Variants in RADIL observed in about 807,000 individuals in gnomAD.
The protein encoded by RADIL is Rap associating with DIL domain.
In RADIL, 99 loss-of-function variants were observed where a neutral mutation model predicts 97.6. That is an observed-to-expected ratio of 1.01 (90% CI 0.86 to 1.20). The LOEUF is 1.20. Ranked by LOEUF, RADIL falls within the 50% of genes most tolerant of loss-of-function variation. The probability of loss-of-function intolerance (pLI) is 0.00; values close to 1 mark genes in which losing one functional copy is unlikely to be tolerated. For missense variants in RADIL, 1,765 were observed against 1,498.9 expected (o/e 1.18, Z -2.93); for synonymous variants, 803 against 691.8 (o/e 1.16, Z -2.52).
chr7:4,835,526 A>G lies in RADIL; in HGVS notation c.784-287T>C, dbSNP rs1451267759. On this transcript the variant is annotated intron_variant, in intron 3 of 14. Coordinates refer to ENST00000399583, the MANE Select transcript of RADIL (RefSeq NM_018059.5). This position sits in a 1 kb window ranked among gnomAD's most constrained non-coding sequence, Gnocchi z 5.8. The stretch of plus-strand genomic sequence containing the variant: ...AGGCCAGGTCAGGGCTGGCCGGGAA[A>G]CAGGCACTGGTTCTACAGACCGGGC... Among the ~76,000 whole-genome samples, 1 of 152,160 alleles carries G rather than the reference A, an allele frequency of 6.6e-6. No homozygotes were observed. Among genetic ancestry groups the G allele is most frequent in the East Asian group, 1.9e-4 (1 of 5,168 alleles).
rs867418646 is a variant in RADIL at position 4,834,654 on chromosome 7, C to A, written c.1369G>T (p.Gly457Trp). The stretch of plus-strand genomic sequence containing the variant: ...CTGGCTATCTTGAGCAGGAGCTGCC[C>A]GAATGTGCCCGGCTGGAAGTGGGTG... Reference protein sequence around the residue: ...SATHFQPGTFGQLLLKIARLI... With the variant: ...SATHFQPGTFWQLLLKIARLI... Residue 457 changes from glycine to tryptophan, a missense_variant, in exon 4 of 15, where the codon GGG (glycine) becomes TGG (tryptophan). Gly to Trp is a radical substitution (Grantham distance 184, BLOSUM62 -2). Transcript: ENST00000399583. The surrounding 1 kb of genome is among the most constrained non-coding windows in gnomAD (Gnocchi z 6.0). 2 of 1,360,412 alleles carry A rather than the reference C, an allele frequency of 1.5e-6. No individual in the cohort carries two copies. The highest frequency in any genetic ancestry group is 5.6e-5 in the East Asian group (2 of 35,642). The allele number at this position is 1,360,412 out of a possible 1,614,324, so 84.3% of individuals were successfully genotyped here.
rs924362312 is a variant in RADIL at position 4,838,041 on chromosome 7, C to T, written c.536-1436G>A. On this transcript the variant is annotated intron_variant, in intron 2 of 14. Transcript: ENST00000399583. Reference sequence around the variant, plus strand: ...GCCCCGCCGTCCTTCCCAAGGCAGCCGGCAGCCTGTGCATCTGCAGCCCGC... The same window carrying T: ...GCCCCGCCGTCCTTCCCAAGGCAGCTGGCAGCCTGTGCATCTGCAGCCCGC... 4 of 985,284 alleles carry T rather than the reference C, an allele frequency of 4.1e-6. No individual in the cohort carries two copies. In the African/African-American group the frequency reaches 7.0e-5, roughly 17 times the overall value. 61.0% of individuals were successfully genotyped at this position (985,284 alleles called of 1,614,324 possible). A position where few individuals can be genotyped will look rare whatever the true frequency, so the allele number is the denominator to read the frequency against.
At chr7:4,823,898 G>A (rs1562437887) in intron 5 of RADIL, among the ~76,000 whole-genome samples, 1 of 152,174 alleles carries the variant, frequency 6.6e-6, no homozygotes, top group African/African-American at 2.4e-5. Context: ...TGCTCATCTG[G>A]TCCATGCACC....
intron 5 of RADIL, among the ~76,000 whole-genome samples, chr7:4,823,877 T>C (rs1377919379): frequency 6.6e-6 from 1 of 152,160 alleles, no homozygotes; most frequent in Admixed American, 6.5e-5. Flanking sequence ...CCACACATCT[T>C]TCTCACAGGT....
At position 4,807,146 on chromosome 7, in the gene RADIL, G is replaced by A. The variant is rs545103119; in HGVS notation, c.2140-1430C>T. Among the ~76,000 whole-genome samples, 128 of 152,014 alleles carry A rather than the reference G, an allele frequency of 8.4e-4. 1 individual carries two copies. The highest frequency in any genetic ancestry group is 3.0e-3 in the African/African-American group (123 of 41,434). On this transcript the variant is annotated intron_variant, in intron 9 of 14. Coordinates refer to ENST00000399583, the MANE Select transcript of RADIL (RefSeq NM_018059.5). The stretch of plus-strand genomic sequence containing the variant: ...CCTCTGTTCTCACCTTTGCCTCCTC[G>A]CTCTGTTTCTCTCCCATGTGTTTTT...
At chr7:4,829,569 T>G (rs73314479) in intron 5 of RADIL, among the ~76,000 whole-genome samples, 5,569 of 152,226 alleles carry the variant, frequency 0.037, 344 homozygotes, top group African/African-American at 0.13. Context: ...GTGAGGCACT[T>G]ACAGGGTTCG....
Position 4,819,221 on chromosome 7 carries a change from G to A in RADIL, c.1616-1870C>T, listed in dbSNP as rs1782763486. Among the ~76,000 whole-genome samples, 2 of 151,992 alleles carry A rather than the reference G, an allele frequency of 1.3e-5. No individual in the cohort carries two copies. Among genetic ancestry groups the A allele is most frequent in the South Asian group, 2.1e-4 (1 of 4,824 alleles). On this transcript the variant is annotated intron_variant, in intron 6 of 14. Transcript: ENST00000399583. This position sits in a 1 kb window ranked among gnomAD's most constrained non-coding sequence, Gnocchi z 5.8. ...CAAGTAGCTAGGACTACAGGCACAT[G>A]CCACCATGCCTGGCTAATTTTTGTA...
intron 5 of RADIL, among the ~76,000 whole-genome samples, chr7:4,830,334 G>C (rs967128928): frequency 6.6e-6 from 1 of 152,190 alleles, no homozygotes; most frequent in Non-Finnish European, 1.5e-5. Context: ...GCCCACTCGA[G>C]AGTGGGAGCG....
At chr7:4,833,691 G>C (rs555378405) in intron 4 of RADIL, among the ~76,000 whole-genome samples, 1 of 152,338 alleles carries the variant, frequency 6.6e-6, no homozygotes, top group Non-Finnish European at 1.5e-5. Flanking sequence ...CCGGGGATAA[G>C]CGGGGCCCAG....
Position 4,824,119 on chromosome 7 carries a change from T to A in RADIL, c.1455-1565A>T, listed in dbSNP as rs1336719175. The stretch of plus-strand genomic sequence containing the variant: ...ACAGATCAAATCACACAGATCTGAC[T>A]TGGGTCTGCCTGGGGTGTGGAGGGC... On this transcript the variant is annotated intron_variant, in intron 5 of 14. Coordinates refer to ENST00000399583, the MANE Select transcript of RADIL (RefSeq NM_018059.5). The surrounding 1 kb of genome is among the most constrained non-coding windows in gnomAD (Gnocchi z 6.7). Among the ~76,000 whole-genome samples, 1 of 152,252 alleles carries A rather than the reference T, an allele frequency of 6.6e-6. No individual in the cohort carries two copies. The highest frequency in any genetic ancestry group is 1.5e-5 in the Non-Finnish European group (1 of 68,036).
chr7:4,838,961 G>A (rs1382812351), intron 2 of RADIL, among the ~76,000 whole-genome samples: 1 of 152,236 alleles, frequency 6.6e-6, no homozygotes, highest in Non-Finnish European at 1.5e-5. Context: ...ACGTGCACAC[G>A]TGCACACGTA....
chr7:4,801,609 G>T, intron 12 of RADIL, 44 bp downstream of exon 12: 1 of 1,541,882 alleles, frequency 6.5e-7, no homozygotes, highest in Non-Finnish European at 8.7e-7. Flanking sequence ...GGTGCTGTGC[G>T]GGGTCTGGGG....
In RADIL at chr7:4,822,319, G is replaced by A. The variant is rs1782855577; in HGVS notation, c.1615+75C>T. On this transcript the variant is annotated intron_variant, in intron 6 of 14. Coordinates refer to ENST00000399583, the MANE Select transcript of RADIL (RefSeq NM_018059.5). This position sits in a 1 kb window ranked among gnomAD's most constrained non-coding sequence, Gnocchi z 5.3. ...CTGCTATCATGGCCAACTAGGTTCC[G>A]AGGACGGCGAGGAGATGCCACACTC... 7 of 1,475,156 alleles carry A rather than the reference G, an allele frequency of 4.7e-6. No homozygotes were observed. The Admixed American group carries it at 6.8e-5, about 14-fold the overall frequency. 91.4% of individuals were successfully genotyped at this position (1,475,156 alleles called of 1,614,324 possible). A position where few individuals can be genotyped will look rare whatever the true frequency, so the allele number is the denominator to read the frequency against.
In RADIL at chr7:4,867,807, G is replaced by C. The variant is rs1285622204; in HGVS notation, c.535+9798C>G. ...TGGAATGGTATTCATTAATACACTAGAGTGGGTTCCCAAGGACAATGACAA... is the reference window on the plus strand; with the variant it reads ...TGGAATGGTATTCATTAATACACTACAGTGGGTTCCCAAGGACAATGACAA... On this transcript the variant is annotated intron_variant, in intron 2 of 14. Transcript: ENST00000399583. This position sits in a 1 kb window ranked among gnomAD's most constrained non-coding sequence, Gnocchi z 4.1. Among the ~76,000 whole-genome samples the C allele has an allele frequency of 1.3e-5, 2 of 152,134 alleles. No homozygotes were observed. The highest frequency in any genetic ancestry group is 2.4e-5 in the African/African-American group (1 of 41,436).
rs1046183652 is a variant in RADIL at position 4,818,278 on chromosome 7, G to A, written c.1616-927C>T. Among the ~76,000 whole-genome samples the A allele has an allele frequency of 2.6e-5, 4 of 152,180 alleles. No individual in the cohort carries two copies. The highest frequency in any genetic ancestry group is 5.9e-5 in the Non-Finnish European group (4 of 68,014). On this transcript the variant is annotated intron_variant, in intron 6 of 14. Coordinates refer to ENST00000399583, the MANE Select transcript of RADIL (RefSeq NM_018059.5). This position sits in a 1 kb window ranked among gnomAD's most constrained non-coding sequence, Gnocchi z 7.1. Reference sequence around the variant, plus strand: ...CACTCACCCCAGCGCGGGCCTCCCAGGAGCACAGGCCCCCAGCTGCCCCTC... The same window carrying A: ...CACTCACCCCAGCGCGGGCCTCCCAAGAGCACAGGCCCCCAGCTGCCCCTC...
At position 4,806,568 on chromosome 7, in the gene RADIL, G is replaced by A. The variant is rs139796969; in HGVS notation, c.2140-852C>T. Reference sequence around the variant, plus strand: ...TCCAATAAAATTAAACAGCCTCTGCGGCCCGCCAGGACCTCCATCATCATC... The same window carrying A: ...TCCAATAAAATTAAACAGCCTCTGCAGCCCGCCAGGACCTCCATCATCATC... On this transcript the variant is annotated intron_variant, in intron 9 of 14. Transcript: ENST00000399583. Among the ~76,000 whole-genome samples the A allele has an allele frequency of 3.3e-4, 51 of 152,350 alleles. 3 individuals are homozygous for A. In the East Asian group the frequency reaches 7.1e-3, roughly 21 times the overall value.
rs1784422699 is a variant in RADIL at position 4,878,715 on chromosome 7, A to C, written c.-64-512T>G. On this transcript the variant is annotated intron_variant, in intron 1 of 14. Coordinates refer to ENST00000399583, the MANE Select transcript of RADIL (RefSeq NM_018059.5). The surrounding 1 kb of genome is among the most constrained non-coding windows in gnomAD (Gnocchi z 4.1). ...CTGGGAAACACAATGAGGTCGCCTAAGTAAGACACGCTCCGCTGCAGGGCT... is the reference window on the plus strand; with the variant it reads ...CTGGGAAACACAATGAGGTCGCCTACGTAAGACACGCTCCGCTGCAGGGCT... Among the ~76,000 whole-genome samples the C allele has an allele frequency of 2.0e-5, 3 of 152,362 alleles. No homozygotes were observed. Among genetic ancestry groups the C allele is most frequent in the Non-Finnish European group, 4.4e-5 (3 of 68,028 alleles).
rs910004236 is a variant in RADIL at position 4,797,313 on chromosome 7, G to A, written c.*2065C>T. 4.6e-5 allele frequency: 7 copies of A among 152,376 alleles called. 1 individual carries two copies. Among genetic ancestry groups the A allele is most frequent in the Admixed American group, 6.5e-5 (1 of 15,302 alleles). 9.4% of individuals were successfully genotyped at this position (152,376 alleles called of 1,614,324 possible). On this transcript the variant is annotated 3_prime_UTR_variant, in exon 15 of 15. Coordinates refer to ENST00000399583, the MANE Select transcript of RADIL (RefSeq NM_018059.5). ...TCTTTCCATGGATGCTGAGTTCCAG[G>A]AGCATGAAAATAGAAACCAAAGGCC...
At chr7:4,826,103 G>A (rs1384504636) in intron 5 of RADIL, among the ~76,000 whole-genome samples, 1 of 152,100 alleles carries the variant, frequency 6.6e-6, no homozygotes. Flanking sequence ...AGCTACTCGG[G>A]AGGCTGAGGC....
Sources: allele counts gnomAD v4.1 joint callset (sites outside exome capture counted in the v4.1 genomes callset), GRCh38; gene constraint gnomAD v4.1.1; non-coding constraint Gnocchi (gnomAD v3.1); transcripts MANE v1.5; gene names NCBI Gene and HGNC (gene_info 2026-07-23, HGNC 2026-07-21).